GDPD5: variants seen among roughly 807,000 people sequenced by gnomAD.
The protein encoded by GDPD5 is glycerophosphodiester phosphodiesterase domain containing 5.
A neutral mutation model predicts 75.1 loss-of-function variants in GDPD5; 48 were observed. That is an observed-to-expected ratio of 0.64 (90% CI 0.51 to 0.81). The LOEUF is 0.81. Among genes scored for constraint, GDPD5 ranks in the 40% least tolerant of loss-of-function variants. GDPD5 has a pLI of 0.00. For missense variants in GDPD5, 706 were observed against 822.6 expected, an observed-to-expected ratio of 0.86 and a Z score of 1.73; for synonymous variants, 336 against 339.0, an observed-to-expected ratio of 0.99 and a Z score of 0.10.
chr11:75,438,783 A>G, intron 15 of GDPD5: 1 of 154,358 alleles, frequency 6.5e-6, no homozygotes, highest in Non-Finnish European at 1.4e-5. Context: ...CTCTGAGGGG[A>G]ATGAGGAAAA....
chr11:75,501,642 G>A (rs376664584), intron 1 of GDPD5, among the ~76,000 whole-genome samples: 1 of 152,220 alleles, frequency 6.6e-6, no homozygotes, highest in East Asian at 1.9e-4. Flanking sequence ...GAACAGTCTG[G>A]CCTGTTCCAT....
intron 1 of GDPD5, among the ~76,000 whole-genome samples, chr11:75,501,962 C>G (rs1459996869): frequency 6.6e-6 from 1 of 152,168 alleles, no homozygotes; most frequent in Non-Finnish European, 1.5e-5. Context: ...GGTGTGAGCC[C>G]CATCAGTCCT....
intron 3 of GDPD5, among the ~76,000 whole-genome samples, chr11:75,464,758 C>A (rs1409254957): frequency 6.6e-6 from 1 of 152,146 alleles, no homozygotes; most frequent in Non-Finnish European, 1.5e-5. Flanking sequence ...CAGAATGGCA[C>A]AAGCTCCAGT....
chr11:75,521,464 G>A (rs1941453145), intron 1 of GDPD5, among the ~76,000 whole-genome samples: 8 of 152,132 alleles, frequency 5.3e-5, no homozygotes, highest in Admixed American at 5.2e-4. Flanking sequence ...AGTTTCTAGG[G>A]GATAACAGTA....
At chr11:75,515,278 C>T (rs1377297109) in intron 1 of GDPD5, among the ~76,000 whole-genome samples, 1 of 152,250 alleles carries the variant, frequency 6.6e-6, no homozygotes, top group Non-Finnish European at 1.5e-5. Context: ...CCGTGGGGGC[C>T]TCCCACATGG....
In GDPD5 at chr11:75,510,929, C is replaced by T. The variant is rs571760191; in HGVS notation, c.-145+14281G>A. Among the ~76,000 whole-genome samples the T allele has an allele frequency of 3.6e-4, 55 of 152,312 alleles. 1 individual carries two copies. The highest frequency in any genetic ancestry group is 2.7e-3 in the Admixed American group (42 of 15,302). Reference sequence around the variant, plus strand: ...TAAATGTGTCACCCACCCAAAGCAACGACCCAGAGCAATTAACAGATCACT... The same window carrying T: ...TAAATGTGTCACCCACCCAAAGCAATGACCCAGAGCAATTAACAGATCACT... On this transcript the variant is annotated intron_variant, in intron 1 of 16. Transcript: ENST00000336898.
At chr11:75,518,004 G>A (rs1950679659) in intron 1 of GDPD5, among the ~76,000 whole-genome samples, 1 of 152,240 alleles carries the variant, frequency 6.6e-6, no homozygotes, top group South Asian at 2.1e-4. Context: ...TTATCTCTTA[G>A]AGAGAAAGGG....
At chr11:75,450,038 G>C in intron 6 of GDPD5, 55 bp from the exon 7 acceptor site, 1 of 1,456,040 alleles carries the variant, frequency 6.9e-7, no homozygotes, top group Non-Finnish European at 9.6e-7. Context: ...AGGGTTCCCA[G>C]TGTGTCTGAG....
At chr11:75,455,198 C>T in intron 6 of GDPD5, 1 of 427,506 alleles carries the variant, frequency 2.3e-6, no homozygotes. Context: ...GCATGTGTGA[C>T]CTTACCTGCT....
At chr11:75,486,555 T>C (rs533430863) in intron 2 of GDPD5, among the ~76,000 whole-genome samples, 11 of 152,314 alleles carry the variant, frequency 7.2e-5, no homozygotes, top group African/African-American at 2.2e-4. Context: ...TCCGGGATCA[T>C]GGCCTTGGAG....
chr11:75,514,285 G>A (rs1950593096), intron 1 of GDPD5, among the ~76,000 whole-genome samples: 1 of 152,230 alleles, frequency 6.6e-6, no homozygotes, highest in African/African-American at 2.4e-5. Flanking sequence ...GGTTGGCTAG[G>A]GTCCCAGAGG....
chr11:75,461,225 T>C (rs1333383552), intron 4 of GDPD5, among the ~76,000 whole-genome samples: 1 of 152,148 alleles, frequency 6.6e-6, no homozygotes, highest in Non-Finnish European at 1.5e-5. Context: ...TCCGAGGAAC[T>C]GTCTGGGTCT....
intron 16 of GDPD5, among the ~76,000 whole-genome samples, 169 bp from the exon 17 acceptor site, chr11:75,435,824 G>C (rs1275520257): frequency 6.6e-6 from 1 of 152,164 alleles, no homozygotes; most frequent in African/African-American, 2.4e-5. Flanking sequence ...TTTGGTGTCT[G>C]CTGAGCACTC....
chr11:75,444,111 G>T (rs909551439), intron 10 of GDPD5, among the ~76,000 whole-genome samples: 3 of 152,206 alleles, frequency 2.0e-5, no homozygotes, highest in Non-Finnish European at 4.4e-5. Flanking sequence ...GAGTCACAGT[G>T]AATGTATCAC....
rs558255979 is a variant in GDPD5 at position 75,524,473 on chromosome 11, G to A, written c.-145+737C>T. ...TCACTGGCTTTAGGATCGGACAACT[G>A]GCACTCCCTTCGGGTGGGCCTCAGT... On this transcript the variant is annotated intron_variant, in intron 1 of 16. Transcript: ENST00000336898. Among the ~76,000 whole-genome samples the A allele has an allele frequency of 3.0e-3, 455 of 152,284 alleles. 1 individual carries two copies. The highest frequency in any genetic ancestry group is 5.3e-3 in the Non-Finnish European group (363 of 68,008).
At chr11:75,521,505 T>C (rs1941454252) in intron 1 of GDPD5, among the ~76,000 whole-genome samples, 2 of 152,110 alleles carry the variant, frequency 1.3e-5, no homozygotes, top group South Asian at 4.1e-4. Context: ...TGAACAAGAG[T>C]GTCTATAAAA....
At chr11:75,476,898 C>G (rs1949791090) in intron 3 of GDPD5, among the ~76,000 whole-genome samples, 1 of 152,132 alleles carries the variant, frequency 6.6e-6, no homozygotes, top group Non-Finnish European at 1.5e-5. Flanking sequence ...CGGCCCACAC[C>G]CTGCCACCCC....
chr11:75,507,371 ACT>A (rs902425064), intron 1 of GDPD5, among the ~76,000 whole-genome samples: 1 of 152,196 alleles, frequency 6.6e-6, no homozygotes, highest in African/African-American at 2.4e-5. Flanking sequence ...TCCTGGGACC[ACT>A]TCTTCCAACA....
chr11:75,449,379 C>T, intron 8 of GDPD5, 138 bp downstream of exon 8: 1 of 834,604 alleles, frequency 1.2e-6, no homozygotes, highest in South Asian at 1.7e-5. Context: ...CCACTCTGAG[C>T]CAGAATCCCC....
Sources: gnomAD v4.1 joint callset for allele counts (sites outside exome capture counted in the v4.1 genomes callset) on GRCh38, gnomAD v4.1.1 for gene constraint, MANE v1.5 for transcripts, NCBI Gene and HGNC (gene_info 2026-07-23, HGNC 2026-07-21) for gene names.